FAM149A: variants seen among roughly 807,000 people sequenced by gnomAD.
FAM149A encodes family with sequence similarity 149 member A.
FAM149A carries 71 observed loss-of-function variants against 78.2 expected under a neutral mutation model. That is an observed-to-expected ratio of 0.91 (90% confidence interval 0.75 to 1.11). The LOEUF (loss-of-function observed/expected upper bound fraction) is 1.11. FAM149A is among the 50% of genes least tolerant of loss of function. The probability of loss-of-function intolerance (pLI) is 0.00; values close to 1 mark genes in which losing one functional copy is unlikely to be tolerated. For missense variants in FAM149A, 1,036 were observed against 971.0 expected (o/e 1.07, Z -0.89); for synonymous variants, 446 against 410.5 (o/e 1.09, Z -1.04).
Position 186,151,957 on chromosome 4 carries a change from G to A in FAM149A, c.844G>A (p.Glu282Lys). The change falls in exon 4 of 14, where the codon GAA becomes AAA. Residue 282 changes from glutamate to lysine, a missense_variant. Glu to Lys is a moderately conservative substitution (Grantham distance 56). This residue lies in a region of FAM149A where 716 missense variants were observed against 711.8 expected (regional missense o/e 1.01). Transcript: ENST00000389354. ...GCAGCGGTTACTCTGGGAGGTGGAG[G>A]AAATGTTATTTGAAGGGAAAGTGAA... The A allele has an allele frequency of 1.2e-6, 2 of 1,614,174 alleles. No homozygotes were observed. Among genetic ancestry groups the A allele is most frequent in the Non-Finnish European group, 1.7e-6 (2 of 1,180,028 alleles).
intron 1 of FAM149A, chr4:186,109,676 T>A (rs1210446677): frequency 1.0e-6 from 1 of 983,784 alleles, no homozygotes; most frequent in East Asian, 1.1e-4. Context: ...AAAAGTGTTA[T>A]CTATGATTAC....
chr4:186,127,393 C>T, intron 1 of FAM149A: 1 of 985,390 alleles, frequency 1.0e-6, no homozygotes, highest in Non-Finnish European at 1.2e-6. Context: ...CAAGGGGATG[C>T]TTTTGACAAA....
chr4:186,162,355 T>C (rs1052541507), intron 8 of FAM149A, among the ~76,000 whole-genome samples: 3 of 152,164 alleles, frequency 2.0e-5, no homozygotes, highest in African/African-American at 4.8e-5. Flanking sequence ...TGAGGAGCCA[T>C]GATGCCCGGC....
At chr4:186,120,947 G>A (rs947242408) in intron 1 of FAM149A, among the ~76,000 whole-genome samples, 15 of 131,590 alleles carry the variant, frequency 1.1e-4, no homozygotes, top group Admixed American at 8.4e-4. Context: ...TCCGCCTCCC[G>A]GATTCACGCC....
chr4:186,154,269 A>G (rs567192128), intron 5 of FAM149A, among the ~76,000 whole-genome samples, 199 bp from the exon 6 acceptor site: 1 of 152,354 alleles, frequency 6.6e-6, no homozygotes, highest in East Asian at 1.9e-4. Context: ...TAGGCTTTTA[A>G]GAAGCCCTTA....
In FAM149A at chr4:186,144,652, A is replaced by G. The variant is rs1732832329; in HGVS notation, c.567-4521A>G. 8.6e-6 allele frequency: 2 copies of G among 232,420 alleles called. No individual in the cohort carries two copies. Among genetic ancestry groups the G allele is most frequent in the African/African-American group, 4.7e-5 (2 of 42,870 alleles). The allele number at this position is 232,420 out of a possible 1,614,324, so 14.4% of individuals were successfully genotyped here. On this transcript the variant is annotated intron_variant, in intron 1 of 13. Transcript: ENST00000389354. The surrounding 1 kb of genome is among the most constrained non-coding windows in gnomAD (Gnocchi z 4.2). ...AGTAGGGAGGCCGGGCCGTGCGCGG[A>G]GGAGTGGCCGCTGGGTTGGAAACCC...
chr4:186,166,896 A>G, intron 11 of FAM149A, 72 bp from the exon 12 acceptor site: 1 of 1,468,578 alleles, frequency 6.8e-7, no homozygotes, highest in South Asian at 1.2e-5. Context: ...ACGATTGAGC[A>G]TGTCGAGATT....
intron 8 of FAM149A, among the ~76,000 whole-genome samples, chr4:186,161,647 A>G (rs979863130): frequency 6.6e-6 from 1 of 152,216 alleles, no homozygotes; most frequent in Non-Finnish European, 1.5e-5. Flanking sequence ...CTAGAAGCTG[A>G]GGCATTTTTT....
intron 13 of FAM149A, chr4:186,169,233 T>A: frequency 1.0e-6 from 1 of 984,042 alleles, no homozygotes; most frequent in Non-Finnish European, 1.2e-6. Context: ...AGTCATTGTT[T>A]CTACAATTAT....
At chr4:186,123,442 G>A (rs2099316928) in intron 1 of FAM149A, 2 of 886,984 alleles carry the variant, frequency 2.3e-6, no homozygotes, top group Admixed American at 1.2e-4. Context: ...TGCTGGATAT[G>A]CAGAAATGCA....
At chr4:186,108,905 T>C (rs866139116) in intron 1 of FAM149A, among the ~76,000 whole-genome samples, 10 of 151,210 alleles carry the variant, frequency 6.6e-5, no homozygotes, top group Admixed American at 6.6e-4. Flanking sequence ...TGGAGTGCAG[T>C]GGCGCGATCT....
At chr4:186,138,771 C>A (rs190862252) in intron 1 of FAM149A, among the ~76,000 whole-genome samples, 1 of 152,270 alleles carries the variant, frequency 6.6e-6, no homozygotes, top group African/African-American at 2.4e-5. Context: ...TGCCTCATTG[C>A]AAGGGTGCGT....
Position 186,105,289 on chromosome 4 carries a change from C to T in FAM149A, c.213C>T (p.Ala71=), listed in dbSNP as rs1385010917. 8.4e-7 allele frequency: 1 copy of T among 1,191,132 alleles called. No individual in the cohort carries two copies. Among genetic ancestry groups the T allele is most frequent in the African/African-American group, 1.7e-5 (1 of 59,518 alleles). The allele number at this position is 1,191,132 out of a possible 1,614,324, so 73.8% of individuals were successfully genotyped here. ...CCTCCGCCTCGCGGCGGTCGCCCGCCCCGCTGCTCTCCTCCCCCTACTCCC... is the reference window on the plus strand; with the variant it reads ...CCTCCGCCTCGCGGCGGTCGCCCGCTCCGCTGCTCTCCTCCCCCTACTCCC... The change falls in exon 1 of 14, where the codon GCC becomes GCT. Residue 71 remains alanine, a synonymous_variant. Coordinates refer to ENST00000389354, the MANE Select transcript of FAM149A (RefSeq NM_001367768.3).
At chr4:186,106,303 A>C (rs549224978) in intron 1 of FAM149A, among the ~76,000 whole-genome samples, 1 of 152,226 alleles carries the variant, frequency 6.6e-6, no homozygotes, top group Admixed American at 6.5e-5. Flanking sequence ...CGATTCCCTC[A>C]ACACACACAC....
rs534345900 is a variant in FAM149A, at chr4:186,152,111, G to A, written c.932+66G>A. 3.5e-5 allele frequency: 52 copies of A among 1,488,596 alleles called. No individual in the cohort carries two copies. The African/African-American group carries it at 4.0e-4, about 11-fold the overall frequency. The allele number at this position is 1,488,596 out of a possible 1,614,324, so 92.2% of individuals were successfully genotyped here. On this transcript the variant is annotated intron_variant, in intron 4 of 13. Coordinates refer to ENST00000389354, the MANE Select transcript of FAM149A (RefSeq NM_001367768.3). The stretch of plus-strand genomic sequence containing the variant: ...CAAGCACCCACCCCTGACCTGCCTC[G>A]ATACATTCAGTACATTTGGTGTGAA...
chr4:186,120,651 A>G (rs10024290), intron 1 of FAM149A, among the ~76,000 whole-genome samples: 150,163 of 150,816 alleles, frequency 1, 74,761 homozygotes, highest in East Asian at 1. Flanking sequence ...AAAATTAGCC[A>G]GGCATGGTGG....
At chr4:186,131,558 G>A (rs570430272) in intron 1 of FAM149A, among the ~76,000 whole-genome samples, 1 of 152,270 alleles carries the variant, frequency 6.6e-6, no homozygotes, top group South Asian at 2.1e-4. Context: ...CCCAGTCTGT[G>A]GTGTCTTGCC....
At chr4:186,128,859 T>G (rs1021002252) in intron 1 of FAM149A, among the ~76,000 whole-genome samples, 1 of 151,664 alleles carries the variant, frequency 6.6e-6, no homozygotes. Context: ...GGTGTATGCA[T>G]CTGTATAGGG....
rs140463493 is a variant in FAM149A, at chr4:186,156,050, G to A, written c.1280G>A (p.Arg427His). Residue 427 changes from arginine to histidine, a missense_variant, in exon 7 of 14, where the codon CGC becomes CAC. By Grantham distance (29) the Arg-to-His change is conservative. Transcript: ENST00000389354. ...CCAGCTCAGCCCGGTAGGAAATGGC[G>A]CAAACTCGGACTTCCTCCTGTTTCC... The A allele has an allele frequency of 4.1e-4, 663 of 1,613,824 alleles. 3 individuals are homozygous for A. In the African/African-American group the frequency reaches 6.9e-3, roughly 17 times the overall value.
Sources: gnomAD v4.1 joint callset for allele counts (sites outside exome capture counted in the v4.1 genomes callset) on GRCh38, gnomAD v4.1.1 for gene constraint, gnomAD v4.1.1 regional missense constraint, Gnocchi (gnomAD v3.1) non-coding constraint, MANE v1.5 for transcripts, NCBI Gene and HGNC (gene_info 2026-07-23, HGNC 2026-07-21) for gene names.